PRUNE2: variants seen among roughly 807,000 people sequenced by gnomAD.
PRUNE2 encodes prune homolog 2 with BCH domain.
A neutral mutation model predicts 252.0 loss-of-function variants in PRUNE2; 164 were observed. That is an observed-to-expected ratio of 0.65 (90% CI 0.57 to 0.74). PRUNE2 has a LOEUF of 0.74. PRUNE2 is among the 30% of genes least tolerant of loss of function. The pLI is 0.00. For missense variants in PRUNE2, 3,495 were observed against 3,711.0 expected (o/e 0.94, Z 1.51); for synonymous variants, 1,292 against 1,350.2 (o/e 0.96, Z 0.94).
At chr9:76,641,903 A>ACCAG in intron 12 of PRUNE2, 1 of 1,503,432 alleles carries the variant, frequency 6.7e-7, no homozygotes, top group South Asian at 1.3e-5. Context: ...ACACACACAC[A>ACCAG]CCAGCCAGCA....
At chr9:76,860,442 TTAAAACAAG>T (rs1484580109) in intron 1 of PRUNE2, among the ~76,000 whole-genome samples, 3 of 152,178 alleles carry the variant, frequency 2.0e-5, no homozygotes, top group Non-Finnish European at 4.4e-5. Flanking sequence ...ACTTACTGCC[TTAAAACAAG>T]TATGAGCAAA....
At position 76,887,896 on chromosome 9, in the gene PRUNE2, C is replaced by T. The variant is rs774858378; in HGVS notation, c.36+18032G>A. On this transcript the variant is annotated intron_variant, in intron 1 of 18. Coordinates refer to ENST00000376718, the MANE Select transcript of PRUNE2 (RefSeq NM_015225.3). Reference sequence around the variant, plus strand: ...TAGTGAAAGACAGTTGATAAAGAACCGCACCTAAAATGATTCCTAAAACCT... The same window carrying T: ...TAGTGAAAGACAGTTGATAAAGAACTGCACCTAAAATGATTCCTAAAACCT... Among the ~76,000 whole-genome samples the T allele has an allele frequency of 9.9e-5, 15 of 152,242 alleles. No individual in the cohort carries two copies. The South Asian group carries it at 1.2e-3, about 13-fold the overall frequency.
chr9:76,787,016 C>A (rs998623816), intron 6 of PRUNE2: 5 of 152,176 alleles, frequency 3.3e-5, no homozygotes, highest in Admixed American at 6.5e-5. Context: ...ATGCTCCCTG[C>A]CTTCAGTGTC....
Position 76,690,191 on chromosome 9 carries a change from T to A in PRUNE2, c.8276+13146A>T, listed in dbSNP as rs576871785. Among the ~76,000 whole-genome samples, 6 of 152,362 alleles carry A rather than the reference T, an allele frequency of 3.9e-5. No homozygotes were observed. The East Asian group carries it at 9.6e-4, about 24-fold the overall frequency. On this transcript the variant is annotated intron_variant, in intron 9 of 18. Transcript: ENST00000376718. ...AGAATCTGTCCTTCTCTACTTTTCCTTCTGCCCTTTCTCGCCCCTTCTTCC... is the reference window on the plus strand; with the variant it reads ...AGAATCTGTCCTTCTCTACTTTTCCATCTGCCCTTTCTCGCCCCTTCTTCC...
At chr9:76,797,977 T>C (rs1318053028) in intron 6 of PRUNE2, among the ~76,000 whole-genome samples, 1 of 152,220 alleles carries the variant, frequency 6.6e-6, no homozygotes, top group Non-Finnish European at 1.5e-5. Flanking sequence ...TGTTTGTCTT[T>C]ACAGATTTTA....
At chr9:76,767,429 C>A (rs1189435130) in intron 6 of PRUNE2, among the ~76,000 whole-genome samples, 8 of 142,388 alleles carry the variant, frequency 5.6e-5, no homozygotes, top group Non-Finnish European at 9.0e-5. Context: ...CCAGCCTGGG[C>A]AAAAAGAGCA....
intron 6 of PRUNE2, among the ~76,000 whole-genome samples, chr9:76,718,172 T>C (rs182340907): frequency 7.0e-4 from 106 of 152,382 alleles, no homozygotes; most frequent in Non-Finnish European, 1.2e-3. Flanking sequence ...AAACCTTTCA[T>C]TCTCACAATA....
At chr9:76,858,769 AAAAG>A (rs1215825312) in intron 1 of PRUNE2, among the ~76,000 whole-genome samples, 1 of 149,744 alleles carries the variant, frequency 6.7e-6, no homozygotes, top group Non-Finnish European at 1.5e-5. Flanking sequence ...AAAAAAAAAA[AAAAG>A]AAAGAAAAAA....
At chr9:76,616,737 C>T (rs1021734013) in intron 18 of PRUNE2, among the ~76,000 whole-genome samples, 9 of 152,130 alleles carry the variant, frequency 5.9e-5, no homozygotes, top group Non-Finnish European at 1.0e-4. Flanking sequence ...CAGGAAACCA[C>T]TTGGAAGGTT....
At chr9:76,695,012 A>G (rs933281608) in intron 9 of PRUNE2, among the ~76,000 whole-genome samples, 1 of 152,196 alleles carries the variant, frequency 6.6e-6, no homozygotes, top group African/African-American at 2.4e-5. Flanking sequence ...ATTAAATAAA[A>G]CCATGTTCCT....
At chr9:76,900,390 G>A (rs1355740070) in intron 1 of PRUNE2, among the ~76,000 whole-genome samples, 2 of 152,154 alleles carry the variant, frequency 1.3e-5, no homozygotes, top group Non-Finnish European at 2.9e-5. Flanking sequence ...AGTCTCATAA[G>A]AGCTCTGAAG....
At chr9:76,879,903 AT>A (rs71354691) in intron 1 of PRUNE2, among the ~76,000 whole-genome samples, 105 of 30,970 alleles carry the variant, frequency 3.4e-3, no homozygotes, top group Non-Finnish European at 4.2e-3. Flanking sequence ...ATATATATAT[AT>A]TTTTTTTTTT....
Position 76,614,237 on chromosome 9 carries a change from A to C in PRUNE2, c.*333T>G, listed in dbSNP as rs949134132. On this transcript the variant is annotated 3_prime_UTR_variant, in exon 19 of 19. Coordinates refer to ENST00000376718, the MANE Select transcript of PRUNE2 (RefSeq NM_015225.3). Reference sequence around the variant, plus strand: ...GGAAACAAATCCACTCATACTTAACAGTGGATTAAAGGTATCTTACTGGTA... The same window carrying C: ...GGAAACAAATCCACTCATACTTAACCGTGGATTAAAGGTATCTTACTGGTA... The C allele has an allele frequency of 9.4e-6, 3 of 318,670 alleles. No individual in the cohort carries two copies. The highest frequency in any genetic ancestry group is 1.7e-5 in the Non-Finnish European group (3 of 174,634). 19.7% of individuals were successfully genotyped at this position (318,670 alleles called of 1,614,324 possible).
chr9:76,880,362 A>G (rs1237405934), intron 1 of PRUNE2, among the ~76,000 whole-genome samples: 1 of 152,220 alleles, frequency 6.6e-6, no homozygotes, highest in African/African-American at 2.4e-5. Context: ...CTGTGAAGTC[A>G]AATCTATTTT....
chr9:76,634,416 G>C (rs1321486530), intron 15 of PRUNE2, among the ~76,000 whole-genome samples: 2 of 152,142 alleles, frequency 1.3e-5, no homozygotes, highest in South Asian at 4.1e-4. Context: ...ACCTAACATA[G>C]TATGTAAACA....
intron 9 of PRUNE2, among the ~76,000 whole-genome samples, chr9:76,668,135 A>T (rs2040555108): frequency 6.6e-6 from 1 of 152,236 alleles, no homozygotes; most frequent in South Asian, 2.1e-4. Context: ...GGTTGTAGTC[A>T]TCAAAATTTT....
At chr9:76,798,676 TCAGAGGC>T (rs1380749563) in intron 6 of PRUNE2, among the ~76,000 whole-genome samples, 2 of 152,146 alleles carry the variant, frequency 1.3e-5, no homozygotes, top group Non-Finnish European at 2.9e-5. Flanking sequence ...TGGCATATTC[TCAGAGGC>T]CTACACCAGA....
chr9:76,790,772 C>A, intron 6 of PRUNE2, among the ~76,000 whole-genome samples: 1 of 152,138 alleles, frequency 6.6e-6, no homozygotes, highest in East Asian at 1.9e-4. Flanking sequence ...GATTGAGACA[C>A]ACAACAAGAA....
chr9:76,745,087 A>G lies in PRUNE2; in HGVS notation c.757-31366T>C, dbSNP rs558038925. On this transcript the variant is annotated intron_variant, in intron 6 of 18. Coordinates refer to ENST00000376718, the MANE Select transcript of PRUNE2 (RefSeq NM_015225.3). ...AGAAAACAGGAGTAGGCACCCAATGAAACCACCTTTGCAAAATTATCACAG... is the reference window on the plus strand; with the variant it reads ...AGAAAACAGGAGTAGGCACCCAATGGAACCACCTTTGCAAAATTATCACAG... 4.6e-5 allele frequency among the ~76,000 whole-genome samples: 7 copies of G among 152,244 alleles called. No individual in the cohort carries two copies. In the South Asian group the frequency reaches 1.5e-3, roughly 32 times the overall value.
Sources: allele counts gnomAD v4.1 joint callset (sites outside exome capture counted in the v4.1 genomes callset), GRCh38; gene constraint gnomAD v4.1.1; transcripts MANE v1.5; gene names NCBI Gene and HGNC (gene_info 2026-07-23, HGNC 2026-07-21).